The following GARNL3 variants were observed in gnomAD, a reference collection of about 807,000 sequenced individuals.
GARNL3 encodes GTPase-activating Rap/Ran-GAP domain-like protein 3.
Under a neutral mutation model 125.0 loss-of-function variants are expected in GARNL3, and 63 were observed. The observed-to-expected ratio is 0.50, with a 90% CI of 0.41 to 0.62. The LOEUF is 0.62. GARNL3 is among the 20% of genes least tolerant of loss of function. The pLI, the probability that GARNL3 is intolerant of heterozygous loss-of-function variation, is 0.00. For missense variants in GARNL3, 994 were observed against 1,244.0 expected, an observed-to-expected ratio of 0.80 and a Z score of 3.02; for synonymous variants, 439 against 457.5, an observed-to-expected ratio of 0.96 and a Z score of 0.52.
intron 5 of GARNL3, among the ~76,000 whole-genome samples, chr9:127,319,013 G>A (rs1588845640): frequency 2.0e-5 from 3 of 152,260 alleles, no homozygotes; most frequent in East Asian, 1.9e-4. Flanking sequence ...ATCGTATGAA[G>A]GGCAAAGCTT....
At chr9:127,313,007 A>T (rs1356246180) in intron 3 of GARNL3, among the ~76,000 whole-genome samples, 1 of 152,180 alleles carries the variant, frequency 6.6e-6, no homozygotes, top group Non-Finnish European at 1.5e-5. Context: ...AGGCCCAGTA[A>T]TGTCAAGGAC....
chr9:127,391,869 T>A (rs1191796688), intron 27 of GARNL3, among the ~76,000 whole-genome samples: 7 of 152,194 alleles, frequency 4.6e-5, no homozygotes, highest in Admixed American at 1.3e-4. Flanking sequence ...GTAAGATCTC[T>A]GTTATCCTTC....
chr9:127,336,305 C>T, intron 11 of GARNL3, 69 bp downstream of exon 11: 1 of 1,019,938 alleles, frequency 9.8e-7, no homozygotes, highest in South Asian at 1.4e-5. Flanking sequence ...CTTCCATGAC[C>T]CTTAAACCAA....
At chr9:127,264,022 C>A (rs946366838), upstream of GARNL3, 38 of 1,390,516 alleles carry the variant, frequency 2.7e-5, no homozygotes, top group Non-Finnish European at 3.5e-5. Context: ...CCTTTCTTTG[C>A]ATGTTAGATC....
chr9:127,291,016 G>A, intron 1 of GARNL3, 152 bp from the exon 2 acceptor site: 1 of 697,126 alleles, frequency 1.4e-6, no homozygotes, highest in South Asian at 1.8e-5. Flanking sequence ...AACTGTATGA[G>A]TACCTGCCTG....
At chr9:127,344,483 T>A in intron 15 of GARNL3, 144 bp downstream of exon 15, 1 of 643,776 alleles carries the variant, frequency 1.6e-6, no homozygotes, top group South Asian at 1.9e-5. Context: ...CAACCACGAG[T>A]GAGATTTTTG....
At chr9:127,292,701 G>A (rs2064459558) in intron 2 of GARNL3, among the ~76,000 whole-genome samples, 2 of 152,226 alleles carry the variant, frequency 1.3e-5, no homozygotes, top group African/African-American at 2.4e-5. Context: ...GGGCCTTCAT[G>A]TGATCCTTAA....
At chr9:127,296,102 C>T (rs529884782) in intron 2 of GARNL3, among the ~76,000 whole-genome samples, 3 of 152,108 alleles carry the variant, frequency 2.0e-5, no homozygotes, top group Non-Finnish European at 2.9e-5. Flanking sequence ...CATGCTCCTG[C>T]GAGGATCTAA....
At chr9:127,261,709 G>A (rs1006286265), upstream of GARNL3, among the ~76,000 whole-genome samples, 1 of 152,122 alleles carries the variant, frequency 6.6e-6, no homozygotes, top group Admixed American at 6.5e-5. Flanking sequence ...CACCGCGCCC[G>A]GCCTTCATGG....
Position 127,349,045 on chromosome 9 carries a change from T to C in GARNL3, c.1543+10T>C. The C allele has an allele frequency of 6.4e-7, 1 of 1,557,564 alleles. No homozygotes were observed. Among genetic ancestry groups the C allele is most frequent in the Non-Finnish European group, 8.9e-7 (1 of 1,128,338 alleles). On this transcript the variant is annotated intron_variant, in intron 17 of 27. Coordinates refer to ENST00000373387, the MANE Select transcript of GARNL3 (RefSeq NM_032293.5). ...GTCTTGCTAGTGGATGGTTAGTGAG[T>C]AGCTGCTCCTACAAATGTCTTTTTC...
At chr9:127,310,904 G>C (rs1335452918) in intron 2 of GARNL3, among the ~76,000 whole-genome samples, 1 of 152,134 alleles carries the variant, frequency 6.6e-6, no homozygotes, top group African/African-American at 2.4e-5. Flanking sequence ...CTAGATGTCA[G>C]ATTGGCATTG....
chr9:127,359,610 T>C (rs1159536647), intron 21 of GARNL3, among the ~76,000 whole-genome samples: 1 of 152,216 alleles, frequency 6.6e-6, no homozygotes, highest in East Asian at 1.9e-4. Context: ...TGGCAGCTAG[T>C]TTCCTAAGAC....
intron 1 of GARNL3, among the ~76,000 whole-genome samples, chr9:127,290,119 C>T (rs780785434): frequency 1.3e-5 from 2 of 152,118 alleles, no homozygotes; most frequent in South Asian, 4.1e-4. Context: ...TAATACCTAC[C>T]TTGTGTTATT....
In GARNL3 at chr9:127,391,524, C is replaced by CAAAA. The variant is rs763160611; in HGVS notation, c.2870+764_2870+767dup. Among the ~76,000 whole-genome samples, 51 of 70,480 alleles carry CAAAA rather than the reference C, an allele frequency of 7.2e-4. 4 individuals carry two copies. Among genetic ancestry groups the CAAAA allele is most frequent in the African/African-American group, 2.1e-3 (49 of 23,036 alleles). 46.2% of individuals were successfully genotyped at this position (70,480 alleles called of 152,430 possible). A position where few individuals can be genotyped will look rare whatever the true frequency, so the allele number is the denominator to read the frequency against. ...GGCAACACAGCAAGACCCATCTCTA[C>CAAAA]AAAAAAAAAATATATATATATATAT... On this transcript the variant is annotated intron_variant, in intron 27 of 27. Coordinates refer to ENST00000373387, the MANE Select transcript of GARNL3 (RefSeq NM_032293.5).
chr9:127,240,663 G>A (rs2063188178), intron 1 of GARNL3, among the ~76,000 whole-genome samples: 1 of 152,226 alleles, frequency 6.6e-6, no homozygotes, highest in Non-Finnish European at 1.5e-5. Flanking sequence ...AACACTTTGG[G>A]AAGTCGAGGT....
At chr9:127,382,290 A>C (rs1399554788) in intron 22 of GARNL3, among the ~76,000 whole-genome samples, 1 of 152,026 alleles carries the variant, frequency 6.6e-6, no homozygotes, top group East Asian at 1.9e-4. Flanking sequence ...ACAGAGCAAG[A>C]CTCCGTCTCA....
At chr9:127,349,789 A>G (rs1334591060) in intron 17 of GARNL3, among the ~76,000 whole-genome samples, 1 of 152,214 alleles carries the variant, frequency 6.6e-6, no homozygotes, top group Non-Finnish European at 1.5e-5. Flanking sequence ...AGCCATAGGC[A>G]CAGAGACAAT....
At chr9:127,306,366 C>T (rs114628979) in intron 2 of GARNL3, among the ~76,000 whole-genome samples, 3,442 of 151,614 alleles carry the variant, frequency 0.023, 124 homozygotes, top group African/African-American at 0.079. Flanking sequence ...GTGGATGACT[C>T]GAGGTCAGGA....
At chr9:127,258,967 G>T (rs903969368), upstream of GARNL3, among the ~76,000 whole-genome samples, 8 of 152,130 alleles carry the variant, frequency 5.3e-5, no homozygotes, top group African/African-American at 1.9e-4. Flanking sequence ...TCTCTCTACT[G>T]GTCTAGGAAG....
Sources: allele counts gnomAD v4.1 joint callset (sites outside exome capture counted in the v4.1 genomes callset), GRCh38; gene constraint gnomAD v4.1.1; transcripts MANE v1.5; gene names NCBI Gene and HGNC (gene_info 2026-07-23, HGNC 2026-07-21).